The following CNTN5 variants were observed in gnomAD, a reference collection of about 807,000 sequenced individuals.
CNTN5 encodes contactin-5.
CNTN5 carries 77 observed loss-of-function variants against 129.1 expected under a neutral mutation model. That is an observed-to-expected ratio of 0.60 (90% CI 0.50 to 0.72). The LOEUF is 0.72. Ranked by LOEUF, CNTN5 falls within the 30% of genes least tolerant of loss-of-function variation. The pLI, the probability that CNTN5 is intolerant of heterozygous loss-of-function variation, is 0.00. For synonymous variants in CNTN5, 509 were observed against 465.6 expected (o/e 1.09, Z -1.20); for missense variants, 1,478 against 1,328.8 (o/e 1.11, Z -1.75).
intron 10 of CNTN5, among the ~76,000 whole-genome samples, chr11:100,069,964 T>C (rs1472511047): frequency 1.3e-5 from 2 of 152,150 alleles, no homozygotes; most frequent in East Asian, 1.9e-4. Flanking sequence ...CAGTGAAATC[T>C]GGATTCACAA....
At position 99,957,213 on chromosome 11, in the gene CNTN5, G is replaced by A. The variant is rs918554788; in HGVS notation, c.877+204G>A. Among the ~76,000 whole-genome samples, 4 of 152,098 alleles carry A rather than the reference G, an allele frequency of 2.6e-5. No homozygotes were observed. The East Asian group carries it at 7.7e-4, about 29-fold the overall frequency. ...CATAAGAAATTGATGATCCATGGTTGAGAAATATTCACCATAATGCTACTC... is the reference window on the plus strand; with the variant it reads ...CATAAGAAATTGATGATCCATGGTTAAGAAATATTCACCATAATGCTACTC... On this transcript the variant is annotated intron_variant, in intron 8 of 24. Coordinates refer to ENST00000524871, the MANE Select transcript of CNTN5 (RefSeq NM_014361.4).
chr11:99,941,557 A>G (rs1950435779), intron 7 of CNTN5, among the ~76,000 whole-genome samples: 1 of 70,792 alleles, frequency 1.4e-5, no homozygotes, highest in Non-Finnish European at 3.4e-5. Flanking sequence ...TAATAGAGGT[A>G]AATACATAAG....
chr11:99,324,348 A>T (rs184968268), intron 1 of CNTN5, among the ~76,000 whole-genome samples: 2 of 152,274 alleles, frequency 1.3e-5, no homozygotes, highest in East Asian at 3.9e-4. Context: ...TACCTTGATT[A>T]TGTCAATAAG....
At chr11:99,821,209 T>C (rs1946790993) in intron 4 of CNTN5, among the ~76,000 whole-genome samples, 1 of 152,208 alleles carries the variant, frequency 6.6e-6, no homozygotes, top group Non-Finnish European at 1.5e-5. Flanking sequence ...AGCCAACTAG[T>C]GTTCTGCCTC....
At chr11:99,883,004 A>T (rs983677190) in intron 6 of CNTN5, among the ~76,000 whole-genome samples, 1 of 152,170 alleles carries the variant, frequency 6.6e-6, no homozygotes, top group Non-Finnish European at 1.5e-5. Flanking sequence ...TTCACTTAAC[A>T]TAACAACCTC....
intron 17 of CNTN5, among the ~76,000 whole-genome samples, chr11:100,262,817 A>G (rs1003468971): frequency 2.0e-5 from 3 of 152,270 alleles, no homozygotes; most frequent in Non-Finnish European, 4.4e-5. Flanking sequence ...GAGGAATAGC[A>G]TTAGGAGAAA....
At chr11:99,025,621 C>T (rs1370331961) in intron 1 of CNTN5, among the ~76,000 whole-genome samples, 1 of 151,596 alleles carries the variant, frequency 6.6e-6, no homozygotes, top group African/African-American at 2.4e-5. Context: ...AAGCATTCAT[C>T]ATGAGGCTAA....
intron 2 of CNTN5, among the ~76,000 whole-genome samples, chr11:99,496,141 T>A (rs1167658548): frequency 6.6e-6 from 1 of 152,200 alleles, no homozygotes; most frequent in Non-Finnish European, 1.5e-5. Context: ...TTATACATGC[T>A]TATTAAATCA....
chr11:99,213,277 T>C (rs1165918047), intron 1 of CNTN5, among the ~76,000 whole-genome samples: 2 of 145,728 alleles, frequency 1.4e-5, no homozygotes, highest in East Asian at 2.0e-4. Context: ...AAAATATATA[T>C]ACATATAATA....
chr11:99,753,669 A>C (rs1248770657), intron 3 of CNTN5, among the ~76,000 whole-genome samples: 14 of 139,114 alleles, frequency 1.0e-4, no homozygotes, highest in South Asian at 2.4e-4. Flanking sequence ...AAAAAAAAAA[A>C]CAGGTAAAAA....
chr11:99,292,903 C>A (rs1864230030), intron 1 of CNTN5, among the ~76,000 whole-genome samples: 1 of 152,152 alleles, frequency 6.6e-6, no homozygotes, highest in Non-Finnish European at 1.5e-5. Context: ...TATCTTTTAA[C>A]TATTAAAGCA....
intron 18 of CNTN5, among the ~76,000 whole-genome samples, chr11:100,287,133 G>C (rs1005962595): frequency 2.0e-5 from 3 of 152,124 alleles, no homozygotes; most frequent in Non-Finnish European, 2.9e-5. Flanking sequence ...ACGTCTGATT[G>C]GTGTACCTGA....
intron 2 of CNTN5, among the ~76,000 whole-genome samples, chr11:99,441,230 T>A (rs1943816531): frequency 6.6e-6 from 1 of 152,216 alleles, no homozygotes; most frequent in African/African-American, 2.4e-5. Flanking sequence ...GTCAAAATAT[T>A]GAGAATAATT....
chr11:99,732,169 G>C (rs1002673081), intron 3 of CNTN5, among the ~76,000 whole-genome samples: 4 of 152,136 alleles, frequency 2.6e-5, no homozygotes, highest in Admixed American at 2.0e-4. Flanking sequence ...ATGCAAAGAA[G>C]TTGTTAGACG....
At chr11:99,602,393 CA>C (rs1950341196) in intron 3 of CNTN5, among the ~76,000 whole-genome samples, 1 of 152,028 alleles carries the variant, frequency 6.6e-6, no homozygotes, top group Admixed American at 6.6e-5. Context: ...GAGGAAAGCG[CA>C]GTGTTTACAT....
At chr11:99,393,131 G>A (rs1941348738) in intron 2 of CNTN5, among the ~76,000 whole-genome samples, 1 of 151,762 alleles carries the variant, frequency 6.6e-6, no homozygotes, top group Admixed American at 6.6e-5. Context: ...GAGGCTAAAT[G>A]TCAAAAGAAG....
intron 1 of CNTN5, among the ~76,000 whole-genome samples, chr11:99,195,995 A>T (rs1027306045): frequency 6.6e-6 from 1 of 151,996 alleles, no homozygotes; most frequent in African/African-American, 2.4e-5. Flanking sequence ...TGCATTACTA[A>T]TGCTTGTGGT....
At chr11:99,255,276 T>G (rs1468062310) in intron 1 of CNTN5, among the ~76,000 whole-genome samples, 1 of 151,762 alleles carries the variant, frequency 6.6e-6, no homozygotes, top group African/African-American at 2.4e-5. Context: ...TGATGAATAG[T>G]AATTAAGCAT....
At chr11:99,261,792 C>T (rs1340990220) in intron 1 of CNTN5, among the ~76,000 whole-genome samples, 1 of 152,000 alleles carries the variant, frequency 6.6e-6, no homozygotes, top group African/African-American at 2.4e-5. Flanking sequence ...TTACACAAAG[C>T]ATGTACTTTT....
Sources: allele counts gnomAD v4.1 joint callset (sites outside exome capture counted in the v4.1 genomes callset), GRCh38; gene constraint gnomAD v4.1.1; transcripts MANE v1.5; gene names NCBI Gene and HGNC (gene_info 2026-07-23, HGNC 2026-07-21).